Variants in LRRC7 observed in about 807,000 individuals in gnomAD.
LRRC7 encodes the protein leucine rich repeat containing 7.
LRRC7 carries 23 observed loss-of-function variants against 175.7 expected under a neutral mutation model. That is an observed-to-expected ratio of 0.13 (90% confidence interval 0.09 to 0.19). LRRC7 has a LOEUF of 0.19. LRRC7 is among the 10% of genes least tolerant of loss of function. The pLI is 1.00. For missense variants in LRRC7, 1,354 were observed against 1,904.7 expected (o/e 0.71, Z 5.38); for synonymous variants, 685 against 680.9 (o/e 1.01, Z -0.09).
At chr1:69,972,321 GTAAACA>G (rs1437427400) in intron 8 of LRRC7, among the ~76,000 whole-genome samples, 2 of 152,214 alleles carry the variant, frequency 1.3e-5, no homozygotes, top group Non-Finnish European at 2.9e-5. Context: ...AAACAGCAGA[GTAAACA>G]GACAACCCAC....
At chr1:69,977,385 C>A (rs145977724) in intron 8 of LRRC7, among the ~76,000 whole-genome samples, 10 of 152,044 alleles carry the variant, frequency 6.6e-5, no homozygotes, top group Non-Finnish European at 1.3e-4. Flanking sequence ...GAAATACAAG[C>A]TTTGAGTTTC....
At chr1:69,651,585 A>G (rs1470315641) in intron 1 of LRRC7, among the ~76,000 whole-genome samples, 2 of 152,234 alleles carry the variant, frequency 1.3e-5, no homozygotes, top group Non-Finnish European at 2.9e-5. Flanking sequence ...TGATTAAGCA[A>G]TAATACATGG....
At chr1:69,997,399 T>C (rs1655090599) in intron 11 of LRRC7, among the ~76,000 whole-genome samples, 1 of 149,398 alleles carries the variant, frequency 6.7e-6, no homozygotes, top group African/African-American at 2.4e-5. Flanking sequence ...TATTTCCTTC[T>C]CCTGCCTAAT....
chr1:69,890,718 A>G (rs1023954585), intron 7 of LRRC7, among the ~76,000 whole-genome samples: 2 of 152,206 alleles, frequency 1.3e-5, no homozygotes, highest in African/African-American at 4.8e-5. Context: ...TTTTTATTGT[A>G]GCCACCTTCA....
intron 1 of LRRC7, among the ~76,000 whole-genome samples, chr1:69,576,811 ATG>A (rs1180739227): frequency 6.6e-6 from 1 of 152,166 alleles, no homozygotes; most frequent in Non-Finnish European, 1.5e-5. Flanking sequence ...GCATCTGTGA[ATG>A]TAATCCCACA....
intron 3 of LRRC7, among the ~76,000 whole-genome samples, chr1:69,781,784 A>AG (rs1457592314): frequency 8.8e-4 from 59 of 67,150 alleles, no homozygotes; most frequent in Non-Finnish European, 1.5e-3. Flanking sequence ...AAAGAAAGAA[A>AG]GAAAGGAAGG....
At chr1:69,814,562 T>G (rs1678357121) in intron 4 of LRRC7, among the ~76,000 whole-genome samples, 1 of 152,182 alleles carries the variant, frequency 6.6e-6, no homozygotes, top group Non-Finnish European at 1.5e-5. Context: ...AATATTATAA[T>G]GCCATCTAAG....
chr1:70,090,996 G>A (rs916281852), intron 25 of LRRC7, among the ~76,000 whole-genome samples: 7 of 152,042 alleles, frequency 4.6e-5, no homozygotes, highest in Admixed American at 6.6e-5. Context: ...AGAATTGGTC[G>A]CATGATTATA....
At chr1:69,878,547 T>C (rs530115374) in intron 7 of LRRC7, among the ~76,000 whole-genome samples, 11 of 152,212 alleles carry the variant, frequency 7.2e-5, no homozygotes, top group Admixed American at 2.0e-4. Context: ...AAAAATTCTT[T>C]CTGCAGGAGA....
intron 8 of LRRC7, among the ~76,000 whole-genome samples, chr1:69,965,492 T>G (rs1485730389): frequency 2.6e-5 from 4 of 152,170 alleles, no homozygotes; most frequent in Non-Finnish European, 5.9e-5. Flanking sequence ...ATCAATCACA[T>G]CTTAGCAGTA....
At chr1:70,075,722 T>C (rs1044610760) in intron 23 of LRRC7, among the ~76,000 whole-genome samples, 1 of 152,234 alleles carries the variant, frequency 6.6e-6, no homozygotes, top group African/African-American at 2.4e-5. Context: ...TGTAACTCTC[T>C]GGTATATTTC....
At chr1:69,609,039 C>T (rs1648267981) in intron 1 of LRRC7, among the ~76,000 whole-genome samples, 2 of 150,932 alleles carry the variant, frequency 1.3e-5, no homozygotes. Context: ...AAAAAAATGT[C>T]CAGATAATGG....
chr1:69,915,746 CT>C (rs1646667134), intron 7 of LRRC7, among the ~76,000 whole-genome samples: 1 of 151,856 alleles, frequency 6.6e-6, no homozygotes, highest in Non-Finnish European at 1.5e-5. Flanking sequence ...ATCTCTAAAG[CT>C]TTTTCAAACT....
intron 14 of LRRC7, 104 bp downstream of exon 14, chr1:70,016,638 T>C: frequency 1.2e-6 from 1 of 852,118 alleles, no homozygotes; most frequent in South Asian, 2.6e-5. Context: ...AGCTACAAAA[T>C]GTAGATTGTT....
intron 26 of LRRC7, among the ~76,000 whole-genome samples, chr1:70,115,985 C>CT (rs1665822820): frequency 6.6e-6 from 1 of 152,022 alleles, no homozygotes; most frequent in Admixed American, 6.5e-5. Flanking sequence ...AGGAATGTGG[C>CT]TTGTTGGGAA....
intron 7 of LRRC7, chr1:69,919,573 G>T: frequency 1.2e-6 from 1 of 800,628 alleles, no homozygotes. Context: ...CGACCTGGCG[G>T]CAGGAAATCA....
intron 2 of LRRC7, 120 bp from the exon 3 acceptor site, chr1:69,760,071 C>A (rs1670870396): frequency 1.0e-6 from 1 of 957,718 alleles, no homozygotes; most frequent in Non-Finnish European, 1.5e-6. Context: ...GTGTGTCCTA[C>A]TTTAAAGTAT....
chr1:70,010,646 A>C (rs577047313), intron 11 of LRRC7, among the ~76,000 whole-genome samples: 39 of 152,350 alleles, frequency 2.6e-4, no homozygotes, highest in Middle Eastern at 6.8e-3. Flanking sequence ...CATTGGTAGA[A>C]TCTTCACCCC....
At chr1:69,870,268 A>G (rs1685388333) in intron 7 of LRRC7, among the ~76,000 whole-genome samples, 1 of 152,128 alleles carries the variant, frequency 6.6e-6, no homozygotes, top group South Asian at 2.1e-4. Flanking sequence ...TCAGGTTTAC[A>G]GGTTAGGTGT....
Sources: gnomAD v4.1 joint callset for allele counts (sites outside exome capture counted in the v4.1 genomes callset) on GRCh38, gnomAD v4.1.1 for gene constraint, MANE v1.5 for transcripts, NCBI Gene and HGNC (gene_info 2026-07-23, HGNC 2026-07-21) for gene names.